TBCD: variants seen among roughly 807,000 people sequenced by gnomAD.
TBCD encodes tubulin-specific chaperone D.
In TBCD, 105 loss-of-function variants were observed where a neutral mutation model predicts 169.3. The observed-to-expected ratio is 0.62, with a 90% CI of 0.53 to 0.73. TBCD has a LOEUF of 0.73. Ranked by LOEUF, TBCD falls within the 30% of genes least tolerant of loss-of-function variation. The pLI, the probability that TBCD is intolerant of heterozygous loss-of-function variation, is 0.00. For missense variants in TBCD, 1,444 were observed against 1,600.1 expected, an observed-to-expected ratio of 0.90 and a Z score of 1.66; for synonymous variants, 700 against 643.9, an observed-to-expected ratio of 1.09 and a Z score of -1.32.
At position 82,903,397 on chromosome 17, in the gene TBCD, ACTCT is replaced by A; in HGVS notation, c.1731-6_1731-3del. On this transcript the variant is annotated splice_region_variant and splice_polypyrimidine_tract_variant and intron_variant, in intron 18 of 38. Coordinates refer to ENST00000355528, the MANE Select transcript of TBCD (RefSeq NM_005993.5). The surrounding 1 kb of genome is among the most constrained non-coding windows in gnomAD (Gnocchi z 4.8). Reference sequence around the variant, plus strand: ...AAGGCACTTACGACATTCTCTCCTCACTCTCAGGGTCATCCGAGAGTTGGCTGCG... The same window carrying A: ...AAGGCACTTACGACATTCTCTCCTCACAGGGTCATCCGAGAGTTGGCTGCG... The A allele has an allele frequency of 6.3e-7, 1 of 1,598,250 alleles. No homozygotes were observed. The highest frequency in any genetic ancestry group is 1.1e-5 in the South Asian group (1 of 88,082).
At position 82,920,876 on chromosome 17, in the gene TBCD, C is replaced by T. The variant is rs1403694719; in HGVS notation, c.2101+258C>T. On this transcript the variant is annotated intron_variant, in intron 24 of 38. Transcript: ENST00000355528. This position sits in a 1 kb window ranked among gnomAD's most constrained non-coding sequence, Gnocchi z 4.1. ...CACCTCCTCGCTTCCATGCCCAGGG[C>T]CCGGCACTCTGGGTCAGTTCTTCTC... is the stretch of plus-strand genomic sequence containing the variant. 4.0e-6 allele frequency: 2 copies of T among 499,238 alleles called. No homozygotes were observed. The highest frequency in any genetic ancestry group is 2.3e-5 in the South Asian group (1 of 43,720). 30.9% of individuals were successfully genotyped at this position (499,238 alleles called of 1,614,324 possible).
Position 82,756,185 on chromosome 17 carries a change from G to A in TBCD, c.205G>A (p.Glu69Lys). Residue 69 changes from glutamate (E) to lysine (K), a missense_variant, in exon 2 of 39, where the codon GAG (glutamate) becomes AAG (lysine). By Grantham distance (56) the Glu-to-Lys change is moderately conservative (BLOSUM62 1). Coordinates refer to ENST00000355528, the MANE Select transcript of TBCD (RefSeq NM_005993.5). ...TTTAGTAATAATGGACAAATACCAG[G>A]AGCAGCCTCATCTGTTGGACCCGCA... ...RFRVIMDKYQ[E>K]QPHLLDPHLE... The A allele has an allele frequency of 6.2e-7, 1 of 1,610,260 alleles. No homozygotes were observed. Among genetic ancestry groups the A allele is most frequent in the Non-Finnish European group, 8.5e-7 (1 of 1,178,098 alleles).
At chr17:82,841,963 A>G (rs774016369) in intron 13 of TBCD, among the ~76,000 whole-genome samples, 3 of 152,206 alleles carry the variant, frequency 2.0e-5, no homozygotes, top group Non-Finnish European at 4.4e-5. Flanking sequence ...ATGGCTCAGG[A>G]CTTCAAGAGA....
intron 13 of TBCD, among the ~76,000 whole-genome samples, chr17:82,850,275 GTGC>G (rs2055642451): frequency 6.7e-6 from 1 of 148,686 alleles, no homozygotes; most frequent in Non-Finnish European, 1.5e-5. Flanking sequence ...GTTGTTGGCT[GTGC>G]TGCTGTTGGC....
rs1201025184 is a variant in TBCD at position 82,920,973 on chromosome 17, C to T, written c.2101+355C>T. 5 of 310,320 alleles carry T rather than the reference C, an allele frequency of 1.6e-5. No individual in the cohort carries two copies. In the East Asian group the frequency reaches 2.5e-4, roughly 16 times the overall value. 19.2% of individuals were successfully genotyped at this position (310,320 alleles called of 1,614,324 possible). A position where few individuals can be genotyped will look rare whatever the true frequency, so the allele number is the denominator to read the frequency against. On this transcript the variant is annotated intron_variant, in intron 24 of 38. Coordinates refer to ENST00000355528, the MANE Select transcript of TBCD (RefSeq NM_005993.5). The surrounding 1 kb of genome is among the most constrained non-coding windows in gnomAD (Gnocchi z 4.1). ...AGGAGCGTGCCGGCCGCCGACACCACGGACCCTGTGGGCAGAGGCGGCTCC... is the reference window on the plus strand; with the variant it reads ...AGGAGCGTGCCGGCCGCCGACACCATGGACCCTGTGGGCAGAGGCGGCTCC...
rs546542657 is a variant in TBCD at position 82,797,894 on chromosome 17, T to C, written c.817+92T>C. Reference sequence around the variant, plus strand: ...TTCCTTAACATTTTATTCATAGATATAGGAACTGTACATTGGTATGTTTGG... The same window carrying C: ...TTCCTTAACATTTTATTCATAGATACAGGAACTGTACATTGGTATGTTTGG... On this transcript the variant is annotated intron_variant, in intron 8 of 38. Transcript: ENST00000355528. The C allele has an allele frequency of 8.2e-5, 80 of 979,410 alleles. 1 individual carries two copies. Among genetic ancestry groups the C allele is most frequent in the African/African-American group, 5.6e-4 (34 of 60,468 alleles). The allele number at this position is 979,410 out of a possible 1,614,324, so 60.7% of individuals were successfully genotyped here. A position where few individuals can be genotyped will look rare whatever the true frequency, so the allele number is the denominator to read the frequency against.
intron 21 of TBCD, chr17:82,908,132 C>A (rs550802017): frequency 4.8e-6 from 2 of 415,048 alleles, no homozygotes; most frequent in Admixed American, 7.2e-5. Context: ...CTAGTGCAGT[C>A]GGTGGAGGTT....
At chr17:82,822,009 G>C (rs150601626) in intron 13 of TBCD, among the ~76,000 whole-genome samples, 1 of 152,196 alleles carries the variant, frequency 6.6e-6, no homozygotes, top group Non-Finnish European at 1.5e-5. Context: ...CATCGAAGAC[G>C]TACAAGCAGC....
intron 1 of TBCD, 29 bp from the exon 2 acceptor site, chr17:82,756,136 A>G: frequency 6.3e-7 from 1 of 1,579,852 alleles, no homozygotes; most frequent in Non-Finnish European, 8.6e-7. Context: ...CCTAGTGATA[A>G]TTAATTTTCA....
At chr17:82,757,849 A>G (rs1359047511) in intron 2 of TBCD, among the ~76,000 whole-genome samples, 1 of 152,102 alleles carries the variant, frequency 6.6e-6, no homozygotes, top group Non-Finnish European at 1.5e-5. Context: ...GCCATATCTT[A>G]TAGGAGGTCT....
At position 82,831,026 on chromosome 17, in the gene TBCD, G is replaced by A; in HGVS notation, c.1318+16092G>A. The stretch of plus-strand genomic sequence containing the variant: ...AAAATGACATTTTCTTACCTTACTG[G>A]AGACTCTGCTGTGGTCTCAGCAGCC... On this transcript the variant is annotated intron_variant, in intron 13 of 38. Coordinates refer to ENST00000355528, the MANE Select transcript of TBCD (RefSeq NM_005993.5). The surrounding 1 kb of genome is among the most constrained non-coding windows in gnomAD (Gnocchi z 4.6). 6.2e-7 allele frequency: 1 copy of A among 1,614,166 alleles called. No homozygotes were observed. Among genetic ancestry groups the A allele is most frequent in the African/African-American group, 1.3e-5 (1 of 75,060 alleles).
In TBCD at chr17:82,832,514, G is replaced by A. The variant is rs528968086; in HGVS notation, c.1318+17580G>A. On this transcript the variant is annotated intron_variant, in intron 13 of 38. Transcript: ENST00000355528. The surrounding 1 kb of genome is among the most constrained non-coding windows in gnomAD (Gnocchi z 4.9). The stretch of plus-strand genomic sequence containing the variant: ...GTGGCGTGATCACTGTCGACGCCGC[G>A]TGCACTTCGTGGTTTCTAAAGAGGC... 2.0e-4 allele frequency: 297 copies of A among 1,461,326 alleles called. 5 individuals carry two copies. In the South Asian group the frequency reaches 3.1e-3, roughly 15 times the overall value. The allele number at this position is 1,461,326 out of a possible 1,614,324, so 90.5% of individuals were successfully genotyped here.
intron 6 of TBCD, among the ~76,000 whole-genome samples, chr17:82,775,733 G>C (rs1364166325): frequency 8.1e-6 from 1 of 123,166 alleles, no homozygotes; most frequent in Non-Finnish European, 1.6e-5. Flanking sequence ...ACACTCTGGG[G>C]ACTGTTGTGG....
At chr17:82,826,914 C>T (rs1241747124) in intron 13 of TBCD, among the ~76,000 whole-genome samples, 31 of 152,024 alleles carry the variant, frequency 2.0e-4, no homozygotes, top group Non-Finnish European at 2.9e-5. Context: ...TAGCTGGGAC[C>T]GCAGGTATGT....
At chr17:82,859,787 C>T in intron 13 of TBCD, 1 of 985,456 alleles carries the variant, frequency 1.0e-6, no homozygotes, top group South Asian at 4.7e-5. Flanking sequence ...TTCAGAGCCA[C>T]CTGTCCTGCC....
chr17:82,861,764 TAGGATGGCTA>T (rs1458061337), intron 13 of TBCD, among the ~76,000 whole-genome samples: 1 of 152,168 alleles, frequency 6.6e-6, no homozygotes, highest in Non-Finnish European at 1.5e-5. Flanking sequence ...TCGGTGGGCA[TAGGATGGCTA>T]AGGTATGGGA....
chr17:82,893,547 G>C lies in TBCD; in HGVS notation c.1564G>C (p.Gly522Arg). Residue 522 changes from glycine (G) to arginine (R), a missense_variant and splice_region_variant, in exon 17 of 39, where the codon GGC becomes CGC. Gly to Arg is a moderately radical substitution (Grantham distance 125). Coordinates refer to ENST00000355528, the MANE Select transcript of TBCD (RefSeq NM_005993.5). Reference sequence around the variant, plus strand: ...TCCCCCATTTCCACTTTCTTATTAGGGCACTTTCCCTCATGGTATTGATAT... The same window carrying C: ...TCCCCCATTTCCACTTTCTTATTAGCGCACTTTCCCTCATGGTATTGATAT... ...AAFQENVGRQ[G>R]TFPHGIDILT... 1 of 1,605,158 alleles carries C rather than the reference G, an allele frequency of 6.2e-7. No homozygotes were observed. Among genetic ancestry groups the C allele is most frequent in the Non-Finnish European group, 8.5e-7 (1 of 1,176,152 alleles).
intron 2 of TBCD, among the ~76,000 whole-genome samples, chr17:82,758,671 T>C (rs1420558965): frequency 7.0e-6 from 1 of 142,910 alleles, no homozygotes; most frequent in East Asian, 2.0e-4. Context: ...CTTTTTTTTT[T>C]TTTTTTTTGA....
At chr17:82,764,131 CCA>C in intron 3 of TBCD, 69 bp downstream of exon 3, 1 of 1,209,092 alleles carries the variant, frequency 8.3e-7, no homozygotes, top group East Asian at 2.4e-5. Flanking sequence ...AGGTTACCCT[CCA>C]AAATGTTATT....
Sources: allele counts gnomAD v4.1 joint callset (sites outside exome capture counted in the v4.1 genomes callset), GRCh38; gene constraint gnomAD v4.1.1; non-coding constraint Gnocchi (gnomAD v3.1); transcripts MANE v1.5; gene names NCBI Gene and HGNC (gene_info 2026-07-23, HGNC 2026-07-21).